The following SHB variants were observed in gnomAD, a reference collection of about 807,000 sequenced individuals.
The protein encoded by SHB is SH2 domain-containing adapter protein B.
In SHB, 20 loss-of-function variants were observed where a neutral mutation model predicts 52.3. The observed-to-expected ratio is 0.38, with a 90% CI of 0.27 to 0.56. SHB has a LOEUF of 0.56. SHB is among the 20% of genes least tolerant of loss of function. The pLI is 0.71. For missense variants in SHB, 825 were observed against 723.3 expected (o/e 1.14, Z -1.61); for synonymous variants, 397 against 316.5 (o/e 1.25, Z -2.70).
At chr9:37,977,519 C>T (rs1257543543) in intron 2 of SHB, among the ~76,000 whole-genome samples, 2 of 152,188 alleles carry the variant, frequency 1.3e-5, no homozygotes, top group South Asian at 2.1e-4. Flanking sequence ...TGAGTAAACT[C>T]GGATCATTTA....
chr9:38,060,455 C>G lies in SHB; in HGVS notation c.717+7474G>C, dbSNP rs570080071. Among the ~76,000 whole-genome samples, 331 of 152,086 alleles carry G rather than the reference C, an allele frequency of 2.2e-3. 1 individual carries two copies. The highest frequency in any genetic ancestry group is 7.7e-3 in the African/African-American group (319 of 41,532). On this transcript the variant is annotated intron_variant, in intron 1 of 5. Coordinates refer to ENST00000377707, the MANE Select transcript of SHB (RefSeq NM_003028.3). Reference sequence around the variant, plus strand: ...CAATGTGCTGGGATTACAGGAAGTGCTGGGATTACAGGCATGAACCACCGA... The same window carrying G: ...CAATGTGCTGGGATTACAGGAAGTGGTGGGATTACAGGCATGAACCACCGA...
At chr9:38,054,749 T>C (rs778348834) in intron 1 of SHB, among the ~76,000 whole-genome samples, 5 of 152,162 alleles carry the variant, frequency 3.3e-5, no homozygotes, top group African/African-American at 4.8e-5. Context: ...ACCAAGACAG[T>C]AGTAGAATCT....
At chr9:38,005,661 T>C (rs180844103) in intron 2 of SHB, among the ~76,000 whole-genome samples, 3 of 152,290 alleles carry the variant, frequency 2.0e-5, no homozygotes, top group African/African-American at 7.2e-5. Context: ...ATATAAAAGG[T>C]ACCCTTTAAA....
In SHB at chr9:38,069,187, G is replaced by GCGCGCC. The variant is rs1263584680; in HGVS notation, c.-548_-543dup. The GCGCGCC allele has an allele frequency of 6.6e-6, 1 of 151,132 alleles. No individual in the cohort carries two copies. Among genetic ancestry groups the GCGCGCC allele is most frequent in the Admixed American group, 6.6e-5 (1 of 15,158 alleles). The allele number at this position is 151,132 out of a possible 1,614,324, so 9.4% of individuals were successfully genotyped here. A position where few individuals can be genotyped will look rare whatever the true frequency, so the allele number is the denominator to read the frequency against. The stretch of plus-strand genomic sequence containing the variant: ...AGGCAGCCGGCGCCCGCCGGAGCCC[G>GCGCGCC]CGCGCCCGTGCCCGTCCCGGCGGCG... On this transcript the variant is annotated 5_prime_UTR_variant, in exon 1 of 6. Coordinates refer to ENST00000377707, the MANE Select transcript of SHB (RefSeq NM_003028.3).
intron 1 of SHB, among the ~76,000 whole-genome samples, chr9:38,055,768 C>G (rs1821805952): frequency 1.3e-5 from 2 of 152,096 alleles, no homozygotes; most frequent in Non-Finnish European, 2.9e-5. Flanking sequence ...AACGCTACAC[C>G]CACTCTGTGA....
intron 4 of SHB, 27 bp from the exon 5 acceptor site, chr9:37,948,781 A>G (rs1471511379): frequency 1.9e-6 from 3 of 1,612,592 alleles, no homozygotes; most frequent in South Asian, 1.1e-5. Context: ...GAGTGGTCAG[A>G]GCCCAGCGCG....
intron 5 of SHB, among the ~76,000 whole-genome samples, chr9:37,929,044 G>C (rs1832282843): frequency 1.3e-5 from 2 of 152,376 alleles, no homozygotes; most frequent in South Asian, 4.1e-4. Context: ...GGCTGGAGAG[G>C]GGGGTGGGCC....
chr9:38,015,940 C>G (rs914449945), intron 2 of SHB, 71 bp downstream of exon 2: 12 of 1,528,436 alleles, frequency 7.9e-6, no homozygotes, highest in Non-Finnish European at 1.1e-5. Flanking sequence ...GGGGACCACC[C>G]GGCAGTGCCC....
chr9:38,038,407 G>A (rs1045864315), intron 1 of SHB, among the ~76,000 whole-genome samples: 3 of 152,098 alleles, frequency 2.0e-5, no homozygotes, highest in African/African-American at 7.2e-5. Context: ...AACACCCAGG[G>A]AGTCATCTTA....
chr9:38,053,365 G>C (rs1380000246), intron 1 of SHB, among the ~76,000 whole-genome samples: 4 of 152,112 alleles, frequency 2.6e-5, no homozygotes, highest in African/African-American at 4.8e-5. Flanking sequence ...AGCCTCCTGA[G>C]TAGCTGGGAC....
chr9:38,068,469 G>T lies in SHB; in HGVS notation c.177C>A (p.Thr59=). Residue 59 remains threonine (T), a synonymous_variant, in exon 1 of 6, where the codon ACC becomes ACA. Coordinates refer to ENST00000377707, the MANE Select transcript of SHB (RefSeq NM_003028.3). ...CCGAAGAGGCTGAGAAGCAGGAGGC[G>T]GTGGCCGGACCGCAGGACGCCGAGG... The part of the protein sequence containing the change: ...SAASASCGPA[T]ASCFSASSGS... 6.6e-7 allele frequency: 1 copy of T among 1,515,874 alleles called. No homozygotes were observed. Among genetic ancestry groups the T allele is most frequent in the Non-Finnish European group, 8.8e-7 (1 of 1,137,372 alleles). The allele number at this position is 1,515,874 out of a possible 1,614,324, so 93.9% of individuals were successfully genotyped here. A position where few individuals can be genotyped will look rare whatever the true frequency, so the allele number is the denominator to read the frequency against.
intron 3 of SHB, among the ~76,000 whole-genome samples, chr9:37,956,504 C>T (rs761162965): frequency 2.6e-5 from 4 of 152,220 alleles, no homozygotes; most frequent in Admixed American, 1.3e-4. Flanking sequence ...TGCCCCTTTC[C>T]CTGGGATACT....
At position 38,057,238 on chromosome 9, in the gene SHB, G is replaced by C. The variant is rs546416711; in HGVS notation, c.717+10691C>G. Among the ~76,000 whole-genome samples the C allele has an allele frequency of 5.9e-5, 9 of 152,274 alleles. No homozygotes were observed. The East Asian group carries it at 1.7e-3, about 29-fold the overall frequency. ...GTTGTTAAATATTTAAGATATTGTA[G>C]ACATCTTTCCATGTCTTTACGTTTA... is the stretch of plus-strand genomic sequence containing the variant. On this transcript the variant is annotated intron_variant, in intron 1 of 5. Transcript: ENST00000377707.
rs759802155 is a variant in SHB, at chr9:37,919,933, G to A, written c.1418C>T (p.Pro473Leu). The change falls in exon 6 of 6, where the codon CCT (proline) becomes CTT (leucine). Residue 473 changes from proline (P) to leucine (L), a missense_variant. Transcript: ENST00000377707. ...KEKYVLGQNS[P>L]PFDSVPEVIH... ...GACTTCCGGGACACTGTCGAACGGA[G>A]GGCTGTTCTGACCCAGAACGTATTT... 1.9e-6 allele frequency: 3 copies of A among 1,614,028 alleles called. No individual in the cohort carries two copies. Among genetic ancestry groups the A allele is most frequent in the African/African-American group, 2.7e-5 (2 of 75,034 alleles).
chr9:38,044,047 C>G (rs886985615), intron 1 of SHB, among the ~76,000 whole-genome samples: 12 of 152,392 alleles, frequency 7.9e-5, no homozygotes, highest in African/African-American at 2.6e-4. Context: ...CTGGTTCTGC[C>G]TGGCAGCCCA....
intron 1 of SHB, among the ~76,000 whole-genome samples, chr9:38,028,193 C>T (rs182126988): frequency 1.2e-3 from 180 of 152,228 alleles, no homozygotes; most frequent in Non-Finnish European, 2.0e-3. Context: ...GGCACCTCCC[C>T]GAGGAAGCAC....
chr9:38,067,311 G>A (rs1367757777), intron 1 of SHB, among the ~76,000 whole-genome samples: 1 of 152,196 alleles, frequency 6.6e-6, no homozygotes, highest in African/African-American at 2.4e-5. Context: ...CGCTCTTGCA[G>A]GCAGCGCATT....
At chr9:37,953,066 C>G (rs1192208120) in intron 4 of SHB, among the ~76,000 whole-genome samples, 3 of 151,856 alleles carry the variant, frequency 2.0e-5, no homozygotes, top group Admixed American at 6.6e-5. Context: ...AAGGAGCCAG[C>G]AGAGGAGATG....
chr9:37,923,177 G>A (rs966868476), intron 5 of SHB, among the ~76,000 whole-genome samples: 1 of 152,224 alleles, frequency 6.6e-6, no homozygotes, highest in African/African-American at 2.4e-5. Context: ...CCAGACCTGA[G>A]AGAGGGCCTC....
Sources: gnomAD v4.1 joint callset for allele counts (sites outside exome capture counted in the v4.1 genomes callset) on GRCh38, gnomAD v4.1.1 for gene constraint, MANE v1.5 for transcripts, NCBI Gene and HGNC (gene_info 2026-07-23, HGNC 2026-07-21) for gene names.